PCDHA9: variants seen among roughly 807,000 people sequenced by gnomAD.
PCDHA9 encodes the protein protocadherin alpha 9, also known as protocadherin alpha-9.
Under a neutral mutation model 62.0 loss-of-function variants are expected in PCDHA9, and 62 were observed. That is an observed-to-expected ratio of 1.00 (90% CI 0.81 to 1.23). The LOEUF (loss-of-function observed/expected upper bound fraction) is 1.23. Among genes scored for constraint, PCDHA9 ranks in the 50% most tolerant of loss-of-function variants. The pLI is 0.00. For synonymous variants in PCDHA9, 557 were observed against 567.6 expected (o/e 0.98, Z 0.27); for missense variants, 1,205 against 1,249.8 (o/e 0.96, Z 0.54).
chr5:140,884,386 G>T (rs372595984), intron 1 of PCDHA9: 2 of 1,613,986 alleles, frequency 1.2e-6, no homozygotes, highest in African/African-American at 2.7e-5. Flanking sequence ...CCATCTGCGC[G>T]GTGTCCAGCC....
intron 1 of PCDHA9, chr5:140,884,544 G>T: frequency 6.2e-7 from 1 of 1,614,222 alleles, no homozygotes; most frequent in South Asian, 1.1e-5. Flanking sequence ...CCGAGGGTGT[G>T]CTCTGGGGAG....
At position 140,869,859 on chromosome 5, in the gene PCDHA9, G is replaced by A. The variant is rs1368092611; in HGVS notation, c.2394+18970G>A. 4 of 1,610,412 alleles carry A rather than the reference G, an allele frequency of 2.5e-6. No homozygotes were observed. In the East Asian group the frequency reaches 8.9e-5, roughly 36 times the overall value. The stretch of plus-strand genomic sequence containing the variant: ...AATCAGAATATAAGGTGAGCCTTAT[G>A]GAAAATGCTGCTAAAGAAACTCTTG... On this transcript the variant is annotated intron_variant, in intron 1 of 3. Coordinates refer to ENST00000532602, the MANE Select transcript of PCDHA9 (RefSeq NM_031857.2).
chr5:140,909,690 G>T (rs2074638063), intron 1 of PCDHA9, among the ~76,000 whole-genome samples: 1 of 152,280 alleles, frequency 6.6e-6, no homozygotes, highest in African/African-American at 2.4e-5. Context: ...CAATGTGGGG[G>T]TTCTGCTAGC....
rs782009999 is a variant in PCDHA9, at chr5:140,928,473, C to G, written c.2395-50476C>G. 25 of 1,614,096 alleles carry G rather than the reference C, an allele frequency of 1.5e-5. No individual in the cohort carries two copies. The East Asian group carries it at 2.5e-4, about 16-fold the overall frequency. ...GGGGGTTTCATTTCCAAGTAGAAGGCCGGGATGGTGGCATTCCTCCCAGAA... is the reference window on the plus strand; with the variant it reads ...GGGGGTTTCATTTCCAAGTAGAAGGGCGGGATGGTGGCATTCCTCCCAGAA... On this transcript the variant is annotated intron_variant, in intron 1 of 3. Transcript: ENST00000532602.
intron 1 of PCDHA9, chr5:140,857,579 G>A (rs782552455): frequency 3.1e-6 from 5 of 1,596,586 alleles, no homozygotes; most frequent in East Asian, 2.2e-5. Flanking sequence ...GTCGGTGCAC[G>A]CGGAGAGCGG....
chr5:140,894,525 A>G (rs544789222), intron 1 of PCDHA9, among the ~76,000 whole-genome samples: 11 of 151,856 alleles, frequency 7.2e-5, no homozygotes, highest in African/African-American at 2.7e-4. Context: ...ATATGCTGTT[A>G]TGTGCCTTCT....
intron 3 of PCDHA9, among the ~76,000 whole-genome samples, chr5:140,995,470 T>C (rs543327839): frequency 5.6e-4 from 86 of 152,360 alleles, no homozygotes; most frequent in Middle Eastern, 3.4e-3. Flanking sequence ...TTGAAATTTT[T>C]CATTTAATAT....
intron 1 of PCDHA9, among the ~76,000 whole-genome samples, chr5:140,912,990 T>C (rs2076154668): frequency 6.6e-6 from 1 of 152,198 alleles, no homozygotes; most frequent in African/African-American, 2.4e-5. Context: ...GAATTCAGTT[T>C]GCTAGTATTT....
At chr5:140,950,821 G>T (rs1361371532) in intron 1 of PCDHA9, among the ~76,000 whole-genome samples, 8 of 152,020 alleles carry the variant, frequency 5.3e-5, no homozygotes, top group Non-Finnish European at 4.4e-5. Context: ...TAGGGTTAAA[G>T]TTTGGTCCTT....
chr5:140,902,530 G>A (rs569387885), intron 1 of PCDHA9, among the ~76,000 whole-genome samples: 11 of 152,144 alleles, frequency 7.2e-5, no homozygotes, highest in African/African-American at 2.7e-4. Flanking sequence ...TTATTATGTT[G>A]AGGTATGTTC....
intron 1 of PCDHA9, among the ~76,000 whole-genome samples, chr5:140,905,764 A>G (rs2072069491): frequency 6.6e-6 from 1 of 152,144 alleles, no homozygotes; most frequent in African/African-American, 2.4e-5. Flanking sequence ...TTGGTTAAGT[A>G]TATTCCGAAG....
At chr5:140,932,707 A>G (rs147056775) in intron 1 of PCDHA9, among the ~76,000 whole-genome samples, 1 of 152,086 alleles carries the variant, frequency 6.6e-6, no homozygotes, top group African/African-American at 2.4e-5. Flanking sequence ...CATATAGACA[A>G]CACAATAATA....
At chr5:140,909,471 A>G (rs1398595420) in intron 1 of PCDHA9, among the ~76,000 whole-genome samples, 3 of 152,328 alleles carry the variant, frequency 2.0e-5, no homozygotes, top group African/African-American at 7.2e-5. Context: ...TCTTCTTCAC[A>G]GGCTAAATAG....
chr5:140,852,246 C>T, intron 1 of PCDHA9: 3 of 546,236 alleles, frequency 5.5e-6, no homozygotes, highest in South Asian at 1.6e-4. Flanking sequence ...TTAAAACACA[C>T]TTTTGGAATA....
chr5:140,924,704 G>A (rs6883852), intron 1 of PCDHA9, among the ~76,000 whole-genome samples: 1 of 152,052 alleles, frequency 6.6e-6, no homozygotes, highest in Non-Finnish European at 1.5e-5. Flanking sequence ...AGACCAGCTT[G>A]TGCAACATGG....
rs17844346 is a variant in PCDHA9 at position 140,857,813 on chromosome 5, G to T, written c.2394+6924G>T. On this transcript the variant is annotated intron_variant, in intron 1 of 3. Transcript: ENST00000532602. Reference sequence around the variant, plus strand: ...GCTGCGGTCGGTGGTTGCGGGTCACGTGGTGGCTAAGGTGCGCGCAGTGGA... The same window carrying T: ...GCTGCGGTCGGTGGTTGCGGGTCACTTGGTGGCTAAGGTGCGCGCAGTGGA... 43 of 1,597,700 alleles carry T rather than the reference G, an allele frequency of 2.7e-5. 5 individuals are homozygous for T. The highest frequency in any genetic ancestry group is 1.8e-4 in the East Asian group (8 of 44,836).
intron 1 of PCDHA9, among the ~76,000 whole-genome samples, chr5:140,885,444 T>C (rs2060598536): frequency 1.3e-5 from 2 of 152,198 alleles, no homozygotes; most frequent in South Asian, 2.1e-4. Flanking sequence ...TGCAATTATA[T>C]ATTATTTACC....
chr5:141,010,107 C>T lies in PCDHA9; in HGVS notation c.*170C>T, dbSNP rs1457376249. On this transcript the variant is annotated 3_prime_UTR_variant, in exon 4 of 4. Coordinates refer to ENST00000532602, the MANE Select transcript of PCDHA9 (RefSeq NM_031857.2). ...CTAGAACGCATTTAACAGGTTTTGT[C>T]GTAAAAGCTTTACTAAGTCTGGTGT... 8.1e-6 allele frequency: 13 copies of T among 1,611,484 alleles called. No individual in the cohort carries two copies. Among genetic ancestry groups the T allele is most frequent in the South Asian group, 4.4e-5 (4 of 90,776 alleles).
chr5:140,926,830 G>T (rs2083580756), intron 1 of PCDHA9: 2 of 1,503,958 alleles, frequency 1.3e-6, no homozygotes, highest in Non-Finnish European at 1.8e-6. Context: ...CAGGAGTCCG[G>T]AGCATGGTCC....
Sources: gnomAD v4.1 joint callset for allele counts (sites outside exome capture counted in the v4.1 genomes callset) on GRCh38, gnomAD v4.1.1 for gene constraint, MANE v1.5 for transcripts, NCBI Gene and HGNC (gene_info 2026-07-23, HGNC 2026-07-21) for gene names.